Variants in ANO10 observed in about 807,000 individuals in gnomAD.
ANO10 encodes the protein anoctamin 10, also known as anoctamin-10.
Under a neutral mutation model 74.7 loss-of-function variants are expected in ANO10, and 77 were observed. That is an observed-to-expected ratio of 1.03 (90% CI 0.86 to 1.25). The LOEUF (loss-of-function observed/expected upper bound fraction) is 1.25, where lower values mean the gene tolerates loss of function less well. Among genes scored for constraint, ANO10 ranks in the 50% most tolerant of loss-of-function variants. ANO10 has a pLI of 0.00. For missense variants in ANO10, 721 were observed against 778.1 expected (o/e 0.93, Z 0.87); for synonymous variants, 279 against 284.9 (o/e 0.98, Z 0.21).
At chr3:43,442,685 C>G (rs1194024483) in intron 11 of ANO10, among the ~76,000 whole-genome samples, 1 of 152,194 alleles carries the variant, frequency 6.6e-6, no homozygotes, top group Non-Finnish European at 1.5e-5. Flanking sequence ...ACAGGGTCAG[C>G]AAACTTCTTA....
At chr3:43,683,841 A>G (rs2084236115) in intron 1 of ANO10, among the ~76,000 whole-genome samples, 1 of 152,204 alleles carries the variant, frequency 6.6e-6, no homozygotes. Flanking sequence ...AGGATTCCCT[A>G]TTTAAAAAAT....
In ANO10 at chr3:43,459,293, G is replaced by A. The variant is rs1020839332; in HGVS notation, c.1798-26566C>T. 2.6e-5 allele frequency among the ~76,000 whole-genome samples: 4 copies of A among 152,236 alleles called. No homozygotes were observed. In the South Asian group the frequency reaches 8.3e-4, roughly 32 times the overall value. ...CGGTGTTGTTGAAGGAAAAGGACCA[G>A]TCAGTGCTCAGATTCCATTTCTACC... On this transcript the variant is annotated intron_variant, in intron 11 of 12. Transcript: ENST00000292246.
intron 11 of ANO10, among the ~76,000 whole-genome samples, chr3:43,440,467 T>C (rs2093142869): frequency 6.6e-6 from 1 of 152,112 alleles, no homozygotes; most frequent in African/African-American, 2.4e-5. Flanking sequence ...ATGAGGATAT[T>C]ATGTAAAAAC....
intron 11 of ANO10, among the ~76,000 whole-genome samples, chr3:43,508,592 C>T (rs2077384635): frequency 6.6e-6 from 1 of 152,178 alleles, no homozygotes; most frequent in Non-Finnish European, 1.5e-5. Context: ...GGCACATATA[C>T]ACCATGGAAT....
intron 9 of ANO10, 82 bp downstream of exon 9, chr3:43,561,138 G>A (rs2080011043): frequency 1.4e-6 from 2 of 1,454,434 alleles, no homozygotes; most frequent in Admixed American, 3.3e-5. Flanking sequence ...CTGAGATCAT[G>A]AATGTATAAC....
intron 9 of ANO10, among the ~76,000 whole-genome samples, chr3:43,556,283 G>A (rs973596378): frequency 7.9e-5 from 12 of 152,196 alleles, no homozygotes; most frequent in African/African-American, 2.9e-4. Context: ...ATTCAAAATT[G>A]CACTGTTTCA....
chr3:43,621,715 C>CGCCCCCCGCCCTGCG (rs538232821), intron 1 of ANO10, 194 bp downstream of exon 1: 1 of 152,842 alleles, frequency 6.5e-6, no homozygotes, highest in East Asian at 1.9e-4. Context: ...CTCGTCCCTG[C>CGCCCCCCGCCCTGCG]CCCCACAGCC....
chr3:43,599,777 G>C (rs185527776), intron 3 of ANO10, among the ~76,000 whole-genome samples: 7,352 of 152,034 alleles, frequency 0.048, 200 homozygotes, highest in Non-Finnish European at 0.059. Context: ...GTGGTGGCGG[G>C]CGCCTGTAGT....
chr3:43,507,106 G>A (rs2077324491), intron 11 of ANO10, among the ~76,000 whole-genome samples: 2 of 152,144 alleles, frequency 1.3e-5, no homozygotes, highest in Admixed American at 1.3e-4. Flanking sequence ...AGTTTCATAA[G>A]AAAAAGGTGC....
intron 11 of ANO10, among the ~76,000 whole-genome samples, chr3:43,509,228 G>C (rs2077419023): frequency 6.6e-6 from 1 of 151,828 alleles, no homozygotes; most frequent in Non-Finnish European, 1.5e-5. Flanking sequence ...TGGGGTGGAG[G>C]GAGGGGAGAG....
chr3:43,466,908 A>G (rs917743510), intron 11 of ANO10, among the ~76,000 whole-genome samples: 4 of 152,244 alleles, frequency 2.6e-5, no homozygotes, highest in Admixed American at 2.6e-4. Flanking sequence ...ATGAAACTCA[A>G]TAATGAAAAG....
intron 11 of ANO10, among the ~76,000 whole-genome samples, chr3:43,535,844 C>A (rs1192637494): frequency 6.6e-6 from 1 of 152,178 alleles, no homozygotes; most frequent in Non-Finnish European, 1.5e-5. Context: ...AAGATTAAGT[C>A]TCTTTAAGTC....
chr3:43,530,710 C>T (rs985618134), intron 11 of ANO10, among the ~76,000 whole-genome samples: 1 of 152,034 alleles, frequency 6.6e-6, no homozygotes, highest in East Asian at 1.9e-4. Flanking sequence ...AATGATTGTT[C>T]TACTATTGTT....
At chr3:43,485,167 A>T in intron 11 of ANO10, 1 of 731,816 alleles carries the variant, frequency 1.4e-6, no homozygotes, top group South Asian at 1.5e-5. Context: ...GCGCGGTAGC[A>T]CTGGGTGACA....
In ANO10 at chr3:43,614,801, A is replaced by ATATATATATATATATT. The variant is rs61457264; in HGVS notation, c.-12+7107_-12+7108insAATATATATATATATA. ...TATATATATATATATATATATATATATAGGTTCATTACAGTTTTTTATGGA... is the reference window on the plus strand; with the variant it reads ...TATATATATATATATATATATATATATATATATATATATATTTAGGTTCATTACAGTTTTTTATGGA... On this transcript the variant is annotated intron_variant, in intron 1 of 12. Transcript: ENST00000292246. Among the ~76,000 whole-genome samples, 2 of 99,402 alleles carry ATATATATATATATATT rather than the reference A, an allele frequency of 2.0e-5. 1 individual carries two copies. The highest frequency in any genetic ancestry group is 4.2e-5 in the Non-Finnish European group (2 of 47,066). The allele number at this position is 99,402 out of a possible 152,430, so 65.2% of individuals were successfully genotyped here.
chr3:43,628,587 G>A lies in ANO10; in HGVS notation c.-11-22724C>T, dbSNP rs1000566028. On this transcript the variant is annotated intron_variant, in intron 1 of 3. Coordinates refer to the ANO10 transcript ENST00000413397. ...CTTAAACTCTGACTGCTGGTGAGCC[G>A]GGCGGAACAGAGACATATTTCTCTT... 9.2e-5 allele frequency among the ~76,000 whole-genome samples: 14 copies of A among 152,248 alleles called. No individual in the cohort carries two copies. In the East Asian group the frequency reaches 1.7e-3, roughly 19 times the overall value.
intron 11 of ANO10, among the ~76,000 whole-genome samples, chr3:43,447,764 A>C (rs1006907247): frequency 6.6e-6 from 1 of 152,194 alleles, no homozygotes; most frequent in Non-Finnish European, 1.5e-5. Flanking sequence ...GTTGCTGTAT[A>C]CCTGTCATTC....
chr3:43,561,097 T>C lies in ANO10; in HGVS notation c.1476+123A>G, dbSNP rs573242410. 3.9e-4 allele frequency: 443 copies of C among 1,145,814 alleles called. 1 individual carries two copies. The highest frequency in any genetic ancestry group is 5.6e-4 in the Non-Finnish European group (427 of 763,940). The allele number at this position is 1,145,814 out of a possible 1,614,324, so 71.0% of individuals were successfully genotyped here. On this transcript the variant is annotated intron_variant, in intron 9 of 12. Coordinates refer to ENST00000292246, the MANE Select transcript of ANO10 (RefSeq NM_018075.5). Reference sequence around the variant, plus strand: ...TTAAAGTGGTTCATGATGAGGAAACTGACTGGAAAGCACTTCTAGAATAGT... The same window carrying C: ...TTAAAGTGGTTCATGATGAGGAAACCGACTGGAAAGCACTTCTAGAATAGT...
Position 43,611,211 on chromosome 3 carries a change from A to C in ANO10, c.-11-5348T>G, listed in dbSNP as rs138301288. On this transcript the variant is annotated intron_variant, in intron 1 of 12. Coordinates refer to ENST00000292246, the MANE Select transcript of ANO10 (RefSeq NM_018075.5). Reference sequence around the variant, plus strand: ...AAGGGAGTGCTTCTATCTCTCCTCAATGTTTTATTTCCCTTTCCATGGGCC... The same window carrying C: ...AAGGGAGTGCTTCTATCTCTCCTCACTGTTTTATTTCCCTTTCCATGGGCC... Among the ~76,000 whole-genome samples the C allele has an allele frequency of 2.2e-3, 341 of 152,272 alleles. 1 individual carries two copies. Among genetic ancestry groups the C allele is most frequent in the Middle Eastern group, 6.8e-3 (2 of 294 alleles).
Sources: gnomAD v4.1 joint callset for allele counts (sites outside exome capture counted in the v4.1 genomes callset) on GRCh38, gnomAD v4.1.1 for gene constraint, MANE v1.5 for transcripts, NCBI Gene and HGNC (gene_info 2026-07-23, HGNC 2026-07-21) for gene names.